The following ZNF518A variants were observed in gnomAD, a reference collection of about 807,000 sequenced individuals.
ZNF518A encodes zinc finger protein 518.
A neutral mutation model predicts 102.7 loss-of-function variants in ZNF518A; 47 were observed. The ratio of observed to expected loss-of-function variants is 0.46; its 90% CI spans 0.36 to 0.58. ZNF518A has a LOEUF of 0.58. Among genes scored for constraint, ZNF518A ranks in the 20% least tolerant of loss-of-function variants. The pLI is 0.00. For synonymous variants in ZNF518A, 652 were observed against 594.6 expected, an observed-to-expected ratio of 1.10 and a Z score of -1.40; for missense variants, 1,793 against 1,699.8, an observed-to-expected ratio of 1.05 and a Z score of -0.96.
intron 3 of ZNF518A, among the ~76,000 whole-genome samples, chr10:96,145,226 C>T (rs966180653): frequency 1.3e-5 from 2 of 152,126 alleles, no homozygotes; most frequent in Admixed American, 1.3e-4. Flanking sequence ...TGCGCTACCA[C>T]ACCCGGCTGA....
downstream of ZNF518A, chr10:96,204,631 T>C: frequency 6.2e-7 from 1 of 1,612,684 alleles, no homozygotes; most frequent in Non-Finnish European, 8.5e-7. Context: ...ATCAGGAAAA[T>C]TATCATATTA....
chr10:96,189,729 A>ATCATCATCT (rs1255587683), intron 1 of ZNF518A: 1 of 723,410 alleles, frequency 1.4e-6, no homozygotes, highest in Non-Finnish European at 2.5e-6. Flanking sequence ...CATCATCATC[A>ATCATCATCT]TCATCTTCAT....
intron 3 of ZNF518A, among the ~76,000 whole-genome samples, chr10:96,146,400 C>G (rs1426671720): frequency 1.3e-5 from 2 of 152,150 alleles, no homozygotes; most frequent in African/African-American, 2.4e-5. Context: ...GCTTTTATCT[C>G]CATCATTAGT....
intron 3 of ZNF518A, among the ~76,000 whole-genome samples, chr10:96,153,281 T>C (rs1238953843): frequency 6.6e-6 from 1 of 152,228 alleles, no homozygotes; most frequent in Non-Finnish European, 1.5e-5. Context: ...CCACCCACAC[T>C]GAGGCAAATC....
chr10:96,151,742 T>G (rs1311491424), intron 3 of ZNF518A, among the ~76,000 whole-genome samples: 1 of 152,204 alleles, frequency 6.6e-6, no homozygotes, highest in Non-Finnish European at 1.5e-5. Flanking sequence ...CCAGACTGTT[T>G]GCTGTCAGAC....
chr10:96,182,010 C>T (rs1035312199), intron 1 of ZNF518A, among the ~76,000 whole-genome samples: 23 of 152,236 alleles, frequency 1.5e-4, no homozygotes, highest in African/African-American at 5.5e-4. Context: ...TCTTTTATTT[C>T]ATTGAGCAGT....
At chr10:96,150,542 T>C (rs1333621930) in intron 3 of ZNF518A, among the ~76,000 whole-genome samples, 6 of 123,194 alleles carry the variant, frequency 4.9e-5, no homozygotes, top group African/African-American at 1.1e-4. Context: ...TTCAGATCTT[T>C]TTGGAAAAAA....
chr10:96,132,048 A>T (rs587670186), intron 1 of ZNF518A, among the ~76,000 whole-genome samples: 1 of 151,764 alleles, frequency 6.6e-6, no homozygotes, highest in South Asian at 2.1e-4. Flanking sequence ...GGAGACTTGA[A>T]TCTTGCCCAC....
intron 1 of ZNF518A, among the ~76,000 whole-genome samples, chr10:96,191,165 C>T (rs1208559606): frequency 6.6e-6 from 1 of 151,504 alleles, no homozygotes; most frequent in African/African-American, 2.4e-5. Flanking sequence ...CATGCCTTTG[C>T]TTCTTCTTTG....
intron 4 of ZNF518A, 91 bp from the exon 5 acceptor site, chr10:96,155,833 A>T (rs1459035785): frequency 1.3e-5 from 2 of 152,412 alleles, no homozygotes; most frequent in African/African-American, 4.8e-5. Flanking sequence ...GGATTCTAAG[A>T]TTTTTAAAAT....
chr10:96,159,948 C>T lies in ZNF518A; in HGVS notation c.3626C>T (p.Thr1209Ile). 1 of 1,613,444 alleles carries T rather than the reference C, an allele frequency of 6.2e-7. No homozygotes were observed. Among genetic ancestry groups the T allele is most frequent in the Non-Finnish European group, 8.5e-7 (1 of 1,179,700 alleles). The change falls in exon 6 of 6, where the codon ACT (threonine) becomes ATT (isoleucine). Residue 1209 changes from threonine (T) to isoleucine (I), a missense_variant. By Grantham distance (89) the Thr-to-Ile change is moderately conservative. Transcript: ENST00000316045. Reference sequence around the variant, plus strand: ...ATGCCAGCAAATGAAATTGTGATAACTTCTACTGCAACATGCCCAGAATCT... The same window carrying T: ...ATGCCAGCAAATGAAATTGTGATAATTTCTACTGCAACATGCCCAGAATCT... ...DLMPANEIVI[T>I]STATCPESSE...
Position 96,159,264 on chromosome 10 carries a change from CACTT to C in ZNF518A, c.2944_2947del (p.Leu982IlefsTer22). 6.2e-7 allele frequency: 1 copy of C among 1,613,518 alleles called. No individual in the cohort carries two copies. On this transcript the variant is annotated frameshift_variant, in exon 6 of 6. Coordinates refer to ENST00000316045, the MANE Select transcript of ZNF518A (RefSeq NM_001330736.2). LOFTEE classifies it high-confidence loss of function. ...AACAAGAAACCTGGGATGGTTTTAA[CACTT>C]AATAATGGGAAACTTGAAGGTGTTT...
chr10:96,203,783 A>T (rs370164443), intron 2 of ZNF518A: 1 of 6,258 alleles, frequency 1.6e-4, no homozygotes, highest in Non-Finnish European at 2.3e-3. Flanking sequence ...TTGTTTTTGT[A>T]AAAAAAAAAA....
At position 96,148,674 on chromosome 10, in the gene ZNF518A, G is replaced by A. The variant is rs2082284895; in HGVS notation, c.-301-6652G>A. Among the ~76,000 whole-genome samples the A allele has an allele frequency of 3.3e-5, 5 of 152,152 alleles. No individual in the cohort carries two copies. The South Asian group carries it at 1.0e-3, about 32-fold the overall frequency. On this transcript the variant is annotated intron_variant, in intron 3 of 5. Transcript: ENST00000316045. The stretch of plus-strand genomic sequence containing the variant: ...CACTGTGGGGAGCTCTTTGGGCTGG[G>A]CCAGGCACCAGAATCTGGCCCAGTG...
intron 1 of ZNF518A, among the ~76,000 whole-genome samples, chr10:96,191,235 CTTT>C (rs34920263): frequency 0.057 from 7,408 of 130,208 alleles, 223 homozygotes; most frequent in Middle Eastern, 0.083. Context: ...CATTAAACCT[CTTT>C]TTTTTTTTTT....
intron 3 of ZNF518A, among the ~76,000 whole-genome samples, chr10:96,139,449 G>T (rs1554875683): frequency 1.3e-5 from 2 of 152,070 alleles, no homozygotes; most frequent in Non-Finnish European, 2.9e-5. Flanking sequence ...ACCCCAGAGG[G>T]CTCTATTTTG....
rs782524114 is a variant in ZNF518A, at chr10:96,156,340, A to G, written c.18A>G (p.Lys6=). The G allele has an allele frequency of 6.3e-7, 1 of 1,577,112 alleles. No homozygotes were observed. Among genetic ancestry groups the G allele is most frequent in the Admixed American group, 2.0e-5 (1 of 50,080 alleles). The stretch of plus-strand genomic sequence containing the variant: ...GTTAAATCATGCCATCTGAACAGAA[A>G]CAGTTATTTTGTGATGAAAAACAAA... MPSEQ[K]QLFCDEKQTT... The change falls in exon 6 of 6, where the codon AAA becomes AAG. Residue 6 remains lysine, a synonymous_variant. Transcript: ENST00000316045.
chr10:96,168,324 C>T (rs78267610), downstream of ZNF518A, among the ~76,000 whole-genome samples: 1 of 151,966 alleles, frequency 6.6e-6, no homozygotes, highest in East Asian at 1.9e-4. Flanking sequence ...ATTTTTTGCT[C>T]ACCACACGGG....
intron 3 of ZNF518A, among the ~76,000 whole-genome samples, chr10:96,140,766 T>TA (rs782477127): frequency 0.057 from 7,727 of 135,864 alleles, 264 homozygotes; most frequent in Middle Eastern, 0.094. Flanking sequence ...CCCCATCTCT[T>TA]AAAAAAAAAA....
Sources: allele counts gnomAD v4.1 joint callset (sites outside exome capture counted in the v4.1 genomes callset), GRCh38; gene constraint gnomAD v4.1.1; transcripts MANE v1.5; gene names NCBI Gene and HGNC (gene_info 2026-07-23, HGNC 2026-07-21).